Variants in C6orf52 observed in about 807,000 individuals in gnomAD.
C6orf52 encodes the protein putative uncharacterized protein C6orf52.
C6orf52 carries 16 observed loss-of-function variants against 16.6 expected under a neutral mutation model. That is an observed-to-expected ratio of 0.96 (90% CI 0.65 to 1.46). The LOEUF (loss-of-function observed/expected upper bound fraction) is 1.46, where lower values mean the gene tolerates loss of function less well. Ranked by LOEUF, C6orf52 falls within the 40% of genes most tolerant of loss-of-function variation. The pLI is 0.00. For synonymous variants in C6orf52, 53 were observed against 61.4 expected (o/e 0.86, Z 0.64); for missense variants, 166 against 182.3 (o/e 0.91, Z 0.52).
At chr6:10,690,335 G>T (rs758064958) in intron 1 of C6orf52, among the ~76,000 whole-genome samples, 1 of 152,088 alleles carries the variant, frequency 6.6e-6, no homozygotes, top group Non-Finnish European at 1.5e-5. Context: ...TTTCTATTGG[G>T]GCACACTACT....
chr6:10,684,752 G>A, intron 3 of C6orf52: 1 of 664,606 alleles, frequency 1.5e-6, no homozygotes, highest in Non-Finnish European at 2.4e-6. Flanking sequence ...ATTGGGGGAA[G>A]CAGGGAATGA....
rs770416421 is a variant in C6orf52 at position 10,691,885 on chromosome 6, T to C, written c.-12+2609A>G. On this transcript the variant is annotated intron_variant, in intron 1 of 4. Coordinates refer to ENST00000259983, the MANE Select transcript of C6orf52 (RefSeq NM_001145020.3). The stretch of plus-strand genomic sequence containing the variant: ...CACTTTGAGTTATGTTCATGGTGCT[T>C]ACACCATGGTTTCCATTCTAGAACC... Among the ~76,000 whole-genome samples the C allele has an allele frequency of 1.1e-4, 16 of 152,296 alleles. No homozygotes were observed. In the South Asian group the frequency reaches 3.3e-3, roughly 32 times the overall value.
chr6:10,677,924 T>C (rs1346527209), intron 4 of C6orf52, among the ~76,000 whole-genome samples: 2 of 151,850 alleles, frequency 1.3e-5, no homozygotes, highest in African/African-American at 4.8e-5. Flanking sequence ...ATGCCTGTAA[T>C]CCCAGAACTT....
chr6:10,686,255 C>T (rs1457949652), intron 3 of C6orf52, among the ~76,000 whole-genome samples: 1 of 152,134 alleles, frequency 6.6e-6, no homozygotes, highest in East Asian at 1.9e-4. Flanking sequence ...AAACAGCAAA[C>T]CAGTATGTAC....
upstream of C6orf52, chr6:10,694,838 G>A (rs1769730905): frequency 3.3e-6 from 2 of 609,008 alleles, no homozygotes; most frequent in South Asian, 3.9e-5. Flanking sequence ...CACGTTACAG[G>A]CGACTTAAAG....
chr6:10,692,371 A>G (rs1769397922), intron 1 of C6orf52, among the ~76,000 whole-genome samples: 1 of 152,234 alleles, frequency 6.6e-6, no homozygotes. Flanking sequence ...ATTACAAAAA[A>G]AGTAATCTAT....
At chr6:10,683,589 C>G (rs866016477) in intron 3 of C6orf52, among the ~76,000 whole-genome samples, 4 of 152,326 alleles carry the variant, frequency 2.6e-5, no homozygotes, top group Middle Eastern at 3.4e-3. Context: ...GTACTACATG[C>G]CTGACTCTAC....
chr6:10,682,754 A>G (rs1370894963), intron 4 of C6orf52, among the ~76,000 whole-genome samples: 1 of 152,186 alleles, frequency 6.6e-6, no homozygotes, highest in Non-Finnish European at 1.5e-5. Flanking sequence ...TCCAAAACAA[A>G]TTGAGAAGTA....
At chr6:10,679,437 CAA>C (rs535153695) in intron 4 of C6orf52, among the ~76,000 whole-genome samples, 128 of 80,834 alleles carry the variant, frequency 1.6e-3, no homozygotes, top group African/African-American at 3.5e-3. Context: ...AGACTGTCTC[CAA>C]AAAAAAAAAA....
chr6:10,691,441 C>T (rs1581567485), intron 1 of C6orf52, among the ~76,000 whole-genome samples: 1 of 152,064 alleles, frequency 6.6e-6, no homozygotes, highest in Non-Finnish European at 1.5e-5. Flanking sequence ...GTAATTAGAA[C>T]GGAACAGAAC....
intron 1 of C6orf52, among the ~76,000 whole-genome samples, chr6:10,692,029 A>T (rs932876188): frequency 8.5e-5 from 13 of 152,236 alleles, no homozygotes; most frequent in African/African-American, 2.7e-4. Context: ...AATTTATTTT[A>T]AAAAGTGTAT....
chr6:10,691,588 C>CT lies in C6orf52; in HGVS notation c.-12+2905dup, dbSNP rs1355784245. ...GTCTGCTTGTGGATTTCATTTCTGC[C>CT]TTTTAGTTTTTACTTCTTCTTTGGA... On this transcript the variant is annotated intron_variant, in intron 1 of 4. Coordinates refer to ENST00000259983, the MANE Select transcript of C6orf52 (RefSeq NM_001145020.3). Among the ~76,000 whole-genome samples the CT allele has an allele frequency of 3.3e-5, 5 of 152,196 alleles. No individual in the cohort carries two copies. The East Asian group carries it at 9.7e-4, about 29-fold the overall frequency.
upstream of C6orf52, chr6:10,694,756 C>G (rs1031663490): frequency 1.5e-4 from 69 of 462,766 alleles, no homozygotes; most frequent in Non-Finnish European, 4.6e-5. Context: ...CAGTGAGAAC[C>G]TCCTCATGTG....
chr6:10,692,725 TTA>T (rs2127474509), intron 1 of C6orf52, among the ~76,000 whole-genome samples: 1 of 151,834 alleles, frequency 6.6e-6, no homozygotes, highest in South Asian at 2.2e-4. Context: ...TCTGGCCATT[TTA>T]TTTTATTTTT....
At chr6:10,682,489 C>T (rs763733983) in intron 4 of C6orf52, among the ~76,000 whole-genome samples, 1 of 152,166 alleles carries the variant, frequency 6.6e-6, no homozygotes, top group Non-Finnish European at 1.5e-5. Flanking sequence ...AGACTGATAA[C>T]AACATGCTCC....
chr6:10,694,768 C>T, upstream of C6orf52: 1 of 507,580 alleles, frequency 2.0e-6, no homozygotes, highest in Non-Finnish European at 3.5e-6. Flanking sequence ...CCTCATGTGG[C>T]ATCTTTACTT....
chr6:10,688,379 G>A (rs1048236991), intron 1 of C6orf52, among the ~76,000 whole-genome samples: 3 of 152,130 alleles, frequency 2.0e-5, no homozygotes, highest in Admixed American at 6.5e-5. Context: ...CAAAATTCAG[G>A]ATAACTTTTA....
In C6orf52 at chr6:10,694,591, A is replaced by ATGT; in HGVS notation, c.-110_-109insACA. ...CAACAATGCACGCTGCCGGCGCTAC[A>ATGT]GCCCCTAAGCAACCGGCCGGAAGTC... On this transcript the variant is annotated 5_prime_UTR_variant, in exon 1 of 5. In the 5' UTR this introduces an upstream ATG that the reference lacks. Transcript: ENST00000259983. 1.1e-5 allele frequency: 2 copies of ATGT among 180,128 alleles called. No homozygotes were observed. Among genetic ancestry groups the ATGT allele is most frequent in the Non-Finnish European group, 2.4e-5 (2 of 82,970 alleles). The allele number at this position is 180,128 out of a possible 1,614,324, so 11.2% of individuals were successfully genotyped here.
intron 4 of C6orf52, chr6:10,672,466 G>C (rs1245152595): frequency 1.6e-6 from 1 of 620,946 alleles, no homozygotes; most frequent in East Asian, 2.9e-5. Context: ...GGTTAGATGA[G>C]GTCATAAGAG....
Sources: allele counts gnomAD v4.1 joint callset (sites outside exome capture counted in the v4.1 genomes callset), GRCh38; gene constraint gnomAD v4.1.1; transcripts MANE v1.5; gene names NCBI Gene and HGNC (gene_info 2026-07-23, HGNC 2026-07-21).